The following AKR1B10 variants were observed in gnomAD, a reference collection of about 807,000 sequenced individuals.
The protein encoded by AKR1B10 is ARP.
In AKR1B10, 39 loss-of-function variants were observed where a neutral mutation model predicts 38.9. That is an observed-to-expected ratio of 1.00 (90% confidence interval 0.78 to 1.31). AKR1B10 has a LOEUF of 1.31. Among genes scored for constraint, AKR1B10 ranks in the 50% most tolerant of loss-of-function variants. The pLI, the probability that AKR1B10 is intolerant of heterozygous loss-of-function variation, is 0.00. For missense variants in AKR1B10, 361 were observed against 382.6 expected (o/e 0.94, Z 0.47); for synonymous variants, 148 against 141.2 (o/e 1.05, Z -0.34).
rs1807730301 is a variant in AKR1B10, at chr7:134,527,926, G to T, written c.15G>T (p.Val5=). 3.1e-6 allele frequency: 5 copies of T among 1,613,556 alleles called. No homozygotes were observed. The South Asian group carries it at 5.5e-5, about 18-fold the overall frequency. Residue 5 remains valine (V), a synonymous_variant, in exon 1 of 10, where the codon GTG becomes GTT. Coordinates refer to ENST00000359579, the MANE Select transcript of AKR1B10 (RefSeq NM_020299.5). MATF[V]ELSTKAKMPI... ...CTGCACCAACCATGGCCACGTTTGTGGAGCTCAGTACCAAAGCCAAGATGC... is the reference window on the plus strand; with the variant it reads ...CTGCACCAACCATGGCCACGTTTGTTGAGCTCAGTACCAAAGCCAAGATGC...
chr7:134,530,870 G>A (rs532167994), intron 2 of AKR1B10, 60 bp downstream of exon 2: 52 of 1,550,366 alleles, frequency 3.4e-5, no homozygotes, highest in South Asian at 2.3e-4. Context: ...TATCTGGGTC[G>A]GGTTGGCAGC....
intron 2 of AKR1B10, among the ~76,000 whole-genome samples, chr7:134,531,461 T>A (rs748112688): frequency 6.6e-6 from 1 of 152,080 alleles, no homozygotes; most frequent in Non-Finnish European, 1.5e-5. Flanking sequence ...GATAAAGCCT[T>A]TGTAAAATTA....
chr7:134,539,817 T>C (rs1390536269), intron 9 of AKR1B10, among the ~76,000 whole-genome samples: 1 of 152,362 alleles, frequency 6.6e-6, no homozygotes, highest in East Asian at 1.9e-4. Flanking sequence ...GAATAATGTA[T>C]CTAATTAAAT....
intron 9 of AKR1B10, 58 bp downstream of exon 9, chr7:134,539,075 G>C (rs962654416): frequency 1.6e-5 from 26 of 1,594,546 alleles, no homozygotes; most frequent in Non-Finnish European, 2.1e-5. Context: ...ACTAATAGAG[G>C]GTTAGTTGGA....
intron 1 of AKR1B10, 112 bp downstream of exon 1, chr7:134,528,089 A>G: frequency 7.3e-7 from 1 of 1,379,178 alleles, no homozygotes; most frequent in Admixed American, 2.0e-5. Context: ...TGGAGAGGTA[A>G]GATTCAGCCC....
intron 9 of AKR1B10, among the ~76,000 whole-genome samples, chr7:134,539,525 A>C (rs1808095738): frequency 6.6e-6 from 1 of 152,124 alleles, no homozygotes; most frequent in Admixed American, 6.5e-5. Context: ...TCCTTTATAC[A>C]GGGTGTGTAA....
chr7:134,540,660 C>A (rs1009754730), intron 9 of AKR1B10, among the ~76,000 whole-genome samples: 14 of 152,278 alleles, frequency 9.2e-5, no homozygotes, highest in South Asian at 4.2e-4. Flanking sequence ...CAGGGTCCTG[C>A]GCCCTTTTCC....
chr7:134,535,057 G>T (rs954700915), intron 4 of AKR1B10, among the ~76,000 whole-genome samples: 15 of 151,986 alleles, frequency 9.9e-5, no homozygotes, highest in African/African-American at 3.6e-4. Context: ...CATCATCATA[G>T]TTTAGTGCAG....
In AKR1B10 at chr7:134,531,933, C is replaced by A; in HGVS notation, c.260C>A (p.Pro87His). Reference protein sequence around the residue: ...SKLWPTFFERPLVRKAFEKTL... With the variant: ...SKLWPTFFERHLVRKAFEKTL... The stretch of plus-strand genomic sequence containing the variant: ...TTGTGGCCCACTTTCTTTGAGAGAC[C>A]CCTTGTGAGGAAAGCCTTTGAGAAG... The change falls in exon 3 of 10, where the codon CCC (proline) becomes CAC (histidine). Residue 87 changes from proline (P) to histidine (H), a missense_variant. Physicochemically the swap from Pro to His is moderately conservative, Grantham distance 77 (BLOSUM62 -2). Around this residue, in one of 3 missense-constraint regions of AKR1B10, gnomAD observed 220 missense variants for 216.1 expected, o/e 1.02. Coordinates refer to ENST00000359579, the MANE Select transcript of AKR1B10 (RefSeq NM_020299.5). 6.2e-7 allele frequency: 1 copy of A among 1,614,036 alleles called. No individual in the cohort carries two copies. The highest frequency in any genetic ancestry group is 8.5e-7 in the Non-Finnish European group (1 of 1,179,966).
intron 4 of AKR1B10, among the ~76,000 whole-genome samples, chr7:134,534,288 A>G (rs143004982): frequency 0.035 from 5,275 of 151,970 alleles, 202 homozygotes; most frequent in African/African-American, 0.092. Flanking sequence ...CGCCTGGCTA[A>G]TTTTTGTATT....
intron 1 of AKR1B10, 22 bp from the exon 2 acceptor site, chr7:134,530,621 G>A: frequency 9.3e-6 from 15 of 1,613,480 alleles, no homozygotes; most frequent in Non-Finnish European, 1.3e-5. Flanking sequence ...CATATGTGAT[G>A]AGCTTTTCTT....
At chr7:134,538,326 C>A (rs752655573) in intron 8 of AKR1B10, 49 bp downstream of exon 8, 2 of 1,536,012 alleles carry the variant, frequency 1.3e-6, no homozygotes, top group Non-Finnish European at 1.8e-6. Context: ...GAGTGGGGGA[C>A]AGGCAGACCT....
At chr7:134,538,898 C>A in intron 8 of AKR1B10, 37 bp from the exon 9 acceptor site, 1 of 1,611,974 alleles carries the variant, frequency 6.2e-7, no homozygotes, top group Non-Finnish European at 8.5e-7. Context: ...GCTAGAATGG[C>A]CTTACTGATG....
intron 6 of AKR1B10, 72 bp from the exon 7 acceptor site, chr7:134,537,508 C>G: frequency 6.6e-7 from 1 of 1,513,712 alleles, no homozygotes; most frequent in Non-Finnish European, 9.1e-7. Context: ...TCTTGAGACC[C>G]TCATTGGAGT....
intron 3 of AKR1B10, among the ~76,000 whole-genome samples, chr7:134,532,557 C>T (rs946349654): frequency 6.6e-6 from 1 of 152,116 alleles, no homozygotes; most frequent in Non-Finnish European, 1.5e-5. Flanking sequence ...AGCTCTCTCC[C>T]CTCCTGACCA....
rs1289433054 is a variant in AKR1B10 at position 134,539,300 on chromosome 7, A to G, written c.908+283A>G. Among the ~76,000 whole-genome samples, 4 of 152,098 alleles carry G rather than the reference A, an allele frequency of 2.6e-5. No individual in the cohort carries two copies. The East Asian group carries it at 7.7e-4, about 29-fold the overall frequency. ...CATTCATTTATTCATTCATTCAATCAATATCTCACGGTCATCTATGTGCCA... is the reference window on the plus strand; with the variant it reads ...CATTCATTTATTCATTCATTCAATCGATATCTCACGGTCATCTATGTGCCA... On this transcript the variant is annotated intron_variant, in intron 9 of 9. Transcript: ENST00000359579.
At position 134,541,212 on chromosome 7, in the gene AKR1B10, A is replaced by G. The variant is rs1157122031; in HGVS notation, c.*123A>G. 8.4e-6 allele frequency: 6 copies of G among 716,862 alleles called. No individual in the cohort carries two copies. Among genetic ancestry groups the G allele is most frequent in the Middle Eastern group, 3.8e-4 (1 of 2,612 alleles). The allele number at this position is 716,862 out of a possible 1,614,324, so 44.4% of individuals were successfully genotyped here. On this transcript the variant is annotated 3_prime_UTR_variant, in exon 10 of 10. Coordinates refer to ENST00000359579, the MANE Select transcript of AKR1B10 (RefSeq NM_020299.5). ...ATCACAGTGAACTTAGTCCTGTTAT[A>G]GACGAGAATCGAGGTGCTGTTTTAG...
chr7:134,535,603 T>TTG (rs1265808866), intron 4 of AKR1B10: 1 of 960,638 alleles, frequency 1.0e-6, no homozygotes, highest in Non-Finnish European at 1.2e-6. Context: ...TTTTTTTTTT[T>TTG]TTTTTCTTTT....
chr7:134,528,548 A>C (rs1452799938), intron 1 of AKR1B10, among the ~76,000 whole-genome samples: 1 of 152,170 alleles, frequency 6.6e-6, no homozygotes, highest in Non-Finnish European at 1.5e-5. Flanking sequence ...ACATGGCAAG[A>C]ATCCATTTCT....
Sources: allele counts gnomAD v4.1 joint callset (sites outside exome capture counted in the v4.1 genomes callset), GRCh38; gene constraint gnomAD v4.1.1; regional missense constraint gnomAD v4.1.1; transcripts MANE v1.5; gene names NCBI Gene and HGNC (gene_info 2026-07-23, HGNC 2026-07-21).